ADGRF5: variants seen among roughly 807,000 people sequenced by gnomAD.
The protein encoded by ADGRF5 is G-protein coupled receptor 116.
ADGRF5 carries 75 observed loss-of-function variants against 132.3 expected under a neutral mutation model. That is an observed-to-expected ratio of 0.57 (90% CI 0.47 to 0.69). The LOEUF is 0.69. Among genes scored for constraint, ADGRF5 ranks in the 30% least tolerant of loss-of-function variants. ADGRF5 has a pLI of 0.00. For missense variants in ADGRF5, 1,516 were observed against 1,630.6 expected, an observed-to-expected ratio of 0.93 and a Z score of 1.21; for synonymous variants, 629 against 597.6, an observed-to-expected ratio of 1.05 and a Z score of -0.77.
chr6:46,916,856 C>T (rs774526792), intron 1 of ADGRF5, among the ~76,000 whole-genome samples: 6 of 152,192 alleles, frequency 3.9e-5, no homozygotes, highest in Non-Finnish European at 8.8e-5. Flanking sequence ...CAAACTGACC[C>T]ACTCCCAGCT....
At chr6:46,855,558 G>T (rs755377467) in intron 20 of ADGRF5, among the ~76,000 whole-genome samples, 74 of 152,300 alleles carry the variant, frequency 4.9e-4, no homozygotes, top group Non-Finnish European at 9.3e-4. Context: ...TACATAGTGA[G>T]ATCCTGTAGT....
chr6:46,885,094 T>C (rs1176379376), intron 4 of ADGRF5, among the ~76,000 whole-genome samples: 2 of 150,334 alleles, frequency 1.3e-5, no homozygotes, highest in Non-Finnish European at 3.0e-5. Flanking sequence ...CTCAGGAGGC[T>C]GAGGTGGGAG....
In ADGRF5 at chr6:46,935,302, C is replaced by T. The variant is rs1777765052; in HGVS notation, c.-25+19432G>A. ...ACAGACGTGAGCCACTGAGCCCAGCCGATAATCCTTAAAAATGATTTAGTC... is the reference window on the plus strand; with the variant it reads ...ACAGACGTGAGCCACTGAGCCCAGCTGATAATCCTTAAAAATGATTTAGTC... On this transcript the variant is annotated intron_variant, in intron 1 of 20. Coordinates refer to the ADGRF5 transcript ENST00000265417. Among the ~76,000 whole-genome samples the T allele has an allele frequency of 2.0e-5, 3 of 152,148 alleles. No homozygotes were observed. The South Asian group carries it at 6.2e-4, about 32-fold the overall frequency.
Position 46,878,301 on chromosome 6 carries a change from T to A in ADGRF5, c.1141A>T (p.Met381Leu), listed in dbSNP as rs1287355380. The change falls in exon 10 of 21, where the codon ATG becomes TTG. Residue 381 changes from methionine (M) to leucine (L), a missense_variant. Coordinates refer to ENST00000283296, the MANE Select transcript of ADGRF5 (RefSeq NM_001098518.2). Reference sequence around the variant, plus strand: ...AAAGATACAGGATTGTTGTCGCACATCACCTTCATTTCTTCATTTGCCAAA... The same window carrying A: ...AAAGATACAGGATTGTTGTCGCACAACACCTTCATTTCTTCATTTGCCAAA... ...QILANEEMKV[M>L]CDNNPVSLNC... 1 of 1,613,576 alleles carries A rather than the reference T, an allele frequency of 6.2e-7. No homozygotes were observed. Among genetic ancestry groups the A allele is most frequent in the East Asian group, 2.2e-5 (1 of 44,872 alleles).
intron 1 of ADGRF5, among the ~76,000 whole-genome samples, chr6:46,935,401 C>T (rs1054331570): frequency 3.3e-5 from 5 of 152,180 alleles, no homozygotes. Context: ...GAAACCCCCA[C>T]CACTCCACCC....
chr6:46,906,813 T>C (rs1471480816), intron 1 of ADGRF5, 27 bp from the exon 2 acceptor site: 2 of 910,628 alleles, frequency 2.2e-6, no homozygotes, highest in Non-Finnish European at 3.7e-6. Context: ...ATGGTTTAGA[T>C]ATACAGCAAT....
At chr6:46,919,083 T>C (rs1776673450) in intron 1 of ADGRF5, among the ~76,000 whole-genome samples, 3 of 152,238 alleles carry the variant, frequency 2.0e-5, no homozygotes, top group African/African-American at 7.2e-5. Context: ...GGACAGCAGG[T>C]GATAGAACTT....
upstream of ADGRF5, among the ~76,000 whole-genome samples, chr6:46,923,660 G>T (rs1326525009): frequency 6.6e-6 from 1 of 152,182 alleles, no homozygotes; most frequent in Non-Finnish European, 1.5e-5. Flanking sequence ...ACATGGAATG[G>T]GCGTTGTCAA....
intron 1 of ADGRF5, among the ~76,000 whole-genome samples, chr6:46,913,456 G>A (rs1352281530): frequency 2.0e-5 from 3 of 151,298 alleles, no homozygotes; most frequent in Admixed American, 6.6e-5. Context: ...CCAAGATCAC[G>A]CCATTGCACT....
At chr6:46,928,244 AT>A (rs1777355086) in intron 1 of ADGRF5, among the ~76,000 whole-genome samples, 1 of 152,114 alleles carries the variant, frequency 6.6e-6, no homozygotes, top group South Asian at 2.1e-4. Context: ...GGATGTTTAT[AT>A]TCTCCTGGCC....
chr6:46,886,041 C>A (rs1773037913), intron 4 of ADGRF5, among the ~76,000 whole-genome samples: 2 of 152,202 alleles, frequency 1.3e-5, no homozygotes, highest in Non-Finnish European at 2.9e-5. Flanking sequence ...GAACAGCCTA[C>A]ATGAACTCTG....
intron 3 of ADGRF5, among the ~76,000 whole-genome samples, chr6:46,891,285 T>A (rs1234375636): frequency 6.6e-6 from 1 of 152,224 alleles, no homozygotes; most frequent in Non-Finnish European, 1.5e-5. Context: ...AAAACAAGCT[T>A]CCTGGAAGAA....
chr6:46,943,206 C>A (rs1307933577), intron 1 of ADGRF5, among the ~76,000 whole-genome samples: 3 of 151,796 alleles, frequency 2.0e-5, no homozygotes, highest in Non-Finnish European at 2.9e-5. Context: ...AACTTGTAGA[C>A]CATCTCTGAG....
intron 8 of ADGRF5, among the ~76,000 whole-genome samples, chr6:46,880,657 C>T (rs1027282246): frequency 6.6e-6 from 1 of 152,082 alleles, no homozygotes; most frequent in African/African-American, 2.4e-5. Flanking sequence ...TTAGTCTGGC[C>T]GAGCCTTAGT....
chr6:46,941,431 G>GAAAAGAA (rs1778067192), intron 1 of ADGRF5, among the ~76,000 whole-genome samples: 1 of 54,084 alleles, frequency 1.8e-5, no homozygotes, highest in African/African-American at 7.3e-5. Context: ...GAAAAGAAAA[G>GAAAAGAA]AAAAGAAAAG....
chr6:46,880,085 G>A, intron 8 of ADGRF5, 46 bp from the exon 9 acceptor site: 1 of 1,316,846 alleles, frequency 7.6e-7, no homozygotes, highest in Non-Finnish European at 1.1e-6. Flanking sequence ...GCAAATAAAT[G>A]TCACTGATGC....
At chr6:46,931,852 A>G (rs969297129) in intron 1 of ADGRF5, among the ~76,000 whole-genome samples, 1 of 152,194 alleles carries the variant, frequency 6.6e-6, no homozygotes, top group Non-Finnish European at 1.5e-5. Flanking sequence ...CCTGGGAGGC[A>G]GAGGTTGCAG....
At chr6:46,924,328 G>A (rs1199916706), upstream of ADGRF5, among the ~76,000 whole-genome samples, 2 of 152,142 alleles carry the variant, frequency 1.3e-5, no homozygotes, top group Non-Finnish European at 1.5e-5. Flanking sequence ...CTAATGCATT[G>A]ACTGTAAGCA....
intron 11 of ADGRF5, among the ~76,000 whole-genome samples, chr6:46,870,561 A>G (rs1770937649): frequency 6.6e-6 from 1 of 152,196 alleles, no homozygotes; most frequent in Non-Finnish European, 1.5e-5. Context: ...AAGCCACTCA[A>G]AGAAGGTGTA....
Sources: gnomAD v4.1 joint callset for allele counts (sites outside exome capture counted in the v4.1 genomes callset) on GRCh38, gnomAD v4.1.1 for gene constraint, MANE v1.5 for transcripts, NCBI Gene and HGNC (gene_info 2026-07-23, HGNC 2026-07-21) for gene names.